PDGFC: variants seen among roughly 807,000 people sequenced by gnomAD.
PDGFC encodes platelet derived growth factor C, also known as platelet-derived growth factor C.
A neutral mutation model predicts 35.5 loss-of-function variants in PDGFC; 12 were observed. That is an observed-to-expected ratio of 0.34 (90% CI 0.22 to 0.55). The LOEUF is 0.55. Ranked by LOEUF, PDGFC falls within the 20% of genes least tolerant of loss-of-function variation. PDGFC has a pLI of 0.91. For missense variants in PDGFC, 322 were observed against 412.4 expected, an observed-to-expected ratio of 0.78 and a Z score of 1.90; for synonymous variants, 159 against 148.8, an observed-to-expected ratio of 1.07 and a Z score of -0.50.
intron 1 of PDGFC, among the ~76,000 whole-genome samples, chr4:156,921,749 G>C (rs1341865425): frequency 6.6e-6 from 1 of 152,044 alleles, no homozygotes; most frequent in African/African-American, 2.4e-5. Flanking sequence ...TTGTATAAAC[G>C]AAGAAAAGTG....
intron 1 of PDGFC, among the ~76,000 whole-genome samples, chr4:156,925,912 T>C (rs917755514): frequency 3.3e-5 from 5 of 151,330 alleles, no homozygotes; most frequent in African/African-American, 1.2e-4. Flanking sequence ...ATTAGCCAGA[T>C]GTGGTAGCAC....
chr4:156,787,432 A>T (rs1416320818), intron 3 of PDGFC, among the ~76,000 whole-genome samples: 1 of 152,178 alleles, frequency 6.6e-6, no homozygotes, highest in East Asian at 1.9e-4. Context: ...ACAAATGATG[A>T]GGCAAAAAAT....
intron 1 of PDGFC, among the ~76,000 whole-genome samples, chr4:156,941,026 T>C (rs749743112): frequency 3.9e-5 from 6 of 152,298 alleles, no homozygotes; most frequent in Admixed American, 6.5e-5. Flanking sequence ...AGATATAATG[T>C]ATGCAAACAA....
At chr4:156,869,495 G>T (rs1448238200) in intron 1 of PDGFC, among the ~76,000 whole-genome samples, 2 of 151,736 alleles carry the variant, frequency 1.3e-5, no homozygotes, top group African/African-American at 4.8e-5. Flanking sequence ...TGTTGTTTTT[G>T]CAATTGTCTT....
At chr4:156,964,800 G>T (rs1036990973) in intron 1 of PDGFC, among the ~76,000 whole-genome samples, 1 of 152,112 alleles carries the variant, frequency 6.6e-6, no homozygotes, top group African/African-American at 2.4e-5. Flanking sequence ...CATCAGTGAG[G>T]ATAAGTTCCT....
rs571987862 is a variant in PDGFC at position 156,910,707 on chromosome 4, C to T, written c.118+60079G>A. 6.6e-5 allele frequency among the ~76,000 whole-genome samples: 10 copies of T among 152,270 alleles called. No individual in the cohort carries two copies. The East Asian group carries it at 9.7e-4, about 15-fold the overall frequency. On this transcript the variant is annotated intron_variant, in intron 1 of 5. Transcript: ENST00000502773. ...CCACATCCTCACCAGTATTTGGCAT[C>T]ACCAGCATTTTTCTTTGTTCTAGCC...
intron 2 of PDGFC, among the ~76,000 whole-genome samples, chr4:156,829,192 G>A (rs771414815): frequency 2.0e-5 from 3 of 152,146 alleles, no homozygotes; most frequent in Non-Finnish European, 2.9e-5. Context: ...TATTTCCAAT[G>A]CCAAGGGGTT....
At chr4:156,789,803 CAT>C (rs1237873128) in intron 3 of PDGFC, among the ~76,000 whole-genome samples, 1 of 151,878 alleles carries the variant, frequency 6.6e-6, no homozygotes, top group Non-Finnish European at 1.5e-5. Context: ...GGTGAAACCA[CAT>C]CTCTAATAAA....
intron 1 of PDGFC, chr4:156,873,969 C>T (rs1730048283): frequency 2.0e-5 from 3 of 152,270 alleles, no homozygotes; most frequent in Non-Finnish European, 4.4e-5. Context: ...CAAGTCTTTC[C>T]TGCTCAAAAC....
intron 1 of PDGFC, among the ~76,000 whole-genome samples, chr4:156,911,547 T>A (rs573307816): frequency 6.6e-6 from 1 of 152,132 alleles, no homozygotes; most frequent in African/African-American, 2.4e-5. Context: ...TACTAGACTT[T>A]ATGCTATATA....
chr4:156,962,229 C>T (rs1560892686), intron 1 of PDGFC, among the ~76,000 whole-genome samples: 1 of 152,096 alleles, frequency 6.6e-6, no homozygotes, highest in Non-Finnish European at 1.5e-5. Context: ...ATTCTCGATG[C>T]TTCTTGTCTC....
rs549288226 is a variant in PDGFC, at chr4:156,790,933, T to C, written c.496-18040A>G. Among the ~76,000 whole-genome samples the C allele has an allele frequency of 2.0e-5, 3 of 152,300 alleles. No homozygotes were observed. The South Asian group carries it at 6.2e-4, about 32-fold the overall frequency. ...TCTTTTTTCCTGCCTGGCTTTTGCATTTTACATCCTACATTGGCATCAATT... is the reference window on the plus strand; with the variant it reads ...TCTTTTTTCCTGCCTGGCTTTTGCACTTTACATCCTACATTGGCATCAATT... On this transcript the variant is annotated intron_variant, in intron 3 of 5. Coordinates refer to ENST00000502773, the MANE Select transcript of PDGFC (RefSeq NM_016205.3).
At chr4:156,943,049 T>G (rs1182408727) in intron 1 of PDGFC, among the ~76,000 whole-genome samples, 3 of 152,072 alleles carry the variant, frequency 2.0e-5, no homozygotes, top group Non-Finnish European at 2.9e-5. Context: ...AAAAAATCTG[T>G]GCTTGGTGCC....
In PDGFC at chr4:156,834,650, C is replaced by T. The variant is rs138901769; in HGVS notation, c.314+15571G>A. ...TTAAATCAGCTGCCATATGGGGAGA[C>T]GATCTATGTCTCTCAGCAGACAGAA... is the stretch of plus-strand genomic sequence containing the variant. On this transcript the variant is annotated intron_variant, in intron 2 of 5. Coordinates refer to ENST00000502773, the MANE Select transcript of PDGFC (RefSeq NM_016205.3). Among the ~76,000 whole-genome samples the T allele has an allele frequency of 8.4e-3, 1,271 of 152,106 alleles. 8 individuals carry two copies. The highest frequency in any genetic ancestry group is 0.012 in the Non-Finnish European group (788 of 67,988).
chr4:156,912,377 C>G (rs548590665), intron 1 of PDGFC, among the ~76,000 whole-genome samples: 1 of 152,194 alleles, frequency 6.6e-6, no homozygotes, highest in South Asian at 2.1e-4. Flanking sequence ...ATTACATGCT[C>G]AAATGCACAA....
At chr4:156,860,387 G>A (rs1469360542) in intron 1 of PDGFC, among the ~76,000 whole-genome samples, 1 of 152,024 alleles carries the variant, frequency 6.6e-6, no homozygotes, top group Non-Finnish European at 1.5e-5. Flanking sequence ...CTTCGAGCAA[G>A]TGAACAGACA....
chr4:156,881,626 T>C (rs1002966303), intron 1 of PDGFC, among the ~76,000 whole-genome samples: 3 of 151,524 alleles, frequency 2.0e-5, no homozygotes, highest in Non-Finnish European at 4.4e-5. Flanking sequence ...GAGTCAGGAG[T>C]CCGAGACCAG....
intron 2 of PDGFC, among the ~76,000 whole-genome samples, chr4:156,837,717 A>G (rs935300520): frequency 3.9e-5 from 6 of 152,174 alleles, no homozygotes; most frequent in Admixed American, 6.5e-5. Context: ...AGAGAAAGAA[A>G]GCTAGAGAAG....
At chr4:156,848,661 A>G (rs1729382907) in intron 2 of PDGFC, among the ~76,000 whole-genome samples, 1 of 152,046 alleles carries the variant, frequency 6.6e-6, no homozygotes, top group African/African-American at 2.4e-5. Context: ...CCATTGATAC[A>G]TATTTCAAAA....
Sources: gnomAD v4.1 joint callset for allele counts (sites outside exome capture counted in the v4.1 genomes callset) on GRCh38, gnomAD v4.1.1 for gene constraint, MANE v1.5 for transcripts, NCBI Gene and HGNC (gene_info 2026-07-23, HGNC 2026-07-21) for gene names.